CLK2: variants seen among roughly 807,000 people sequenced by gnomAD.
The protein encoded by CLK2 is dual specificity protein kinase CLK2.
Under a neutral mutation model 73.5 loss-of-function variants are expected in CLK2, and 12 were observed. The ratio of observed to expected loss-of-function variants is 0.16; its 90% CI spans 0.10 to 0.26. The LOEUF (loss-of-function observed/expected upper bound fraction) is 0.26, where lower values mean the gene tolerates loss of function less well. CLK2 is among the 10% of genes least tolerant of loss of function. CLK2 has a pLI of 1.00. For missense variants in CLK2, 509 were observed against 688.4 expected, an observed-to-expected ratio of 0.74 and a Z score of 2.92; for synonymous variants, 232 against 237.9, an observed-to-expected ratio of 0.98 and a Z score of 0.23.
Position 155,264,298 on chromosome 1 carries a change from G to A in CLK2, c.1149C>T (p.Thr383=), listed in dbSNP as rs1187512282. The change falls in exon 11 of 13, where the codon ACC becomes ACT. Residue 383 remains threonine, a splice_region_variant and synonymous_variant. Coordinates refer to ENST00000368361, the MANE Select transcript of CLK2 (RefSeq NM_001294338.2). ...TGGCTAGATGCTCTCTGTTGTCATG[G>A]GTCTGGGAAACAAAAACAGAACTGA... ...EYYVGFTLFQ[T]HDNREHLAMM... is the part of the protein sequence containing the mutation. The A allele has an allele frequency of 6.2e-7, 1 of 1,614,018 alleles. No homozygotes were observed. Among genetic ancestry groups the A allele is most frequent in the African/African-American group, 1.3e-5 (1 of 74,910 alleles).
At position 155,273,445 on chromosome 1, in the gene CLK2, CG is replaced by C. The variant is rs1673609963; in HGVS notation, c.-246del. 1 of 152,984 alleles carries C rather than the reference CG, an allele frequency of 6.5e-6. No individual in the cohort carries two copies. Among genetic ancestry groups the C allele is most frequent in the Non-Finnish European group, 1.5e-5 (1 of 68,518 alleles). 9.5% of individuals were successfully genotyped at this position (152,984 alleles called of 1,614,324 possible). A position where few individuals can be genotyped will look rare whatever the true frequency, so the allele number is the denominator to read the frequency against. On this transcript the variant is annotated 5_prime_UTR_variant, in exon 1 of 13. Transcript: ENST00000368361. ...CCCCGCCCGGGGCCCGATCCCAGCTCGGTCTCCGGCTCTGGCCTCTCCGCTC... is the reference window on the plus strand; with the variant it reads ...CCCCGCCCGGGGCCCGATCCCAGCTCGTCTCCGGCTCTGGCCTCTCCGCTC...
In CLK2 at chr1:155,266,801, C is replaced by T. The variant is rs1673253614; in HGVS notation, c.766G>A (p.Asp256Asn). ...ATGGGGTAGGGCAGGTAGTTGTTGT[C>T]TTTGAGGAAATCGAAGGTGCTAAGG... ...LGLSTFDFLK[D>N]NNYLPYPIHQ... The change falls in exon 7 of 13, where the codon GAC becomes AAC. Residue 256 changes from aspartate to asparagine, a missense_variant. Physicochemically the swap from Asp to Asn is conservative, Grantham distance 23. This residue lies in a region of CLK2 where 27 missense variants were observed against 30.5 expected (regional missense o/e 0.89). Transcript: ENST00000368361. The T allele has an allele frequency of 1.2e-6, 2 of 1,613,382 alleles. No homozygotes were observed. Among genetic ancestry groups the T allele is most frequent in the Non-Finnish European group, 8.5e-7 (1 of 1,179,742 alleles).
chr1:155,263,869 A>C (rs1673103541), intron 12 of CLK2, 81 bp downstream of exon 12: 1 of 1,432,092 alleles, frequency 7.0e-7, no homozygotes, highest in South Asian at 1.2e-5. Context: ...CTGCTTGTGA[A>C]GAGCATTCCA....
chr1:155,267,170 C>T (rs1041592639), intron 6 of CLK2, among the ~76,000 whole-genome samples: 1 of 152,210 alleles, frequency 6.6e-6, no homozygotes, highest in Non-Finnish European at 1.5e-5. Flanking sequence ...TCTTGGCTCA[C>T]TGCAACCTCT....
intron 2 of CLK2, 57 bp from the exon 3 acceptor site, chr1:155,269,773 A>G: frequency 6.7e-7 from 1 of 1,489,998 alleles, no homozygotes; most frequent in South Asian, 1.1e-5. Flanking sequence ...TCCCTACCAT[A>G]CCCTGTGACA....
chr1:155,266,599 T>C (rs1673243859), intron 7 of CLK2, 130 bp downstream of exon 7: 1 of 971,984 alleles, frequency 1.0e-6, no homozygotes, highest in Non-Finnish European at 1.5e-6. Flanking sequence ...CGTTTCAAGA[T>C]GACAGTAAAT....
At position 155,263,206 on chromosome 1, in the gene CLK2, A is replaced by T; in HGVS notation, c.*12T>A. ...TGCTATAAAAGATGCAGGGGGGCCCAGGGCCTGATCGTCACCGACTGATAT... is the reference window on the plus strand; with the variant it reads ...TGCTATAAAAGATGCAGGGGGGCCCTGGGCCTGATCGTCACCGACTGATAT... On this transcript the variant is annotated 3_prime_UTR_variant, in exon 13 of 13. Coordinates refer to ENST00000368361, the MANE Select transcript of CLK2 (RefSeq NM_001294338.2). 1 of 1,609,212 alleles carries T rather than the reference A, an allele frequency of 6.2e-7. No homozygotes were observed. The highest frequency in any genetic ancestry group is 1.1e-5 in the South Asian group (1 of 90,626).
chr1:155,267,255 GC>G (rs1012737061), intron 6 of CLK2, among the ~76,000 whole-genome samples: 1 of 151,978 alleles, frequency 6.6e-6, no homozygotes, highest in Non-Finnish European at 1.5e-5. Flanking sequence ...ACCATGCCCG[GC>G]TAATTTTTTT....
intron 3 of CLK2, 62 bp downstream of exon 3, chr1:155,269,426 T>A: frequency 7.0e-7 from 1 of 1,427,404 alleles, no homozygotes; most frequent in South Asian, 1.1e-5. Flanking sequence ...ACTGCTCACT[T>A]ACCAGAGTCC....
At position 155,268,811 on chromosome 1, in the gene CLK2, G is replaced by C; in HGVS notation, c.400-16C>G. 1 of 1,603,728 alleles carries C rather than the reference G, an allele frequency of 6.2e-7. No homozygotes were observed. The highest frequency in any genetic ancestry group is 2.2e-5 in the East Asian group (1 of 44,828). The stretch of plus-strand genomic sequence containing the variant: ...TGCTGTGCTGCTGTCGGGGGGCAGG[G>C]GGGGTCGGAGCAAGCCAGGTGTCGG... On this transcript the variant is annotated splice_polypyrimidine_tract_variant and intron_variant, in intron 3 of 12. Transcript: ENST00000368361. The surrounding 1 kb of genome is among the most constrained non-coding windows in gnomAD (Gnocchi z 5.6).
In CLK2 at chr1:155,268,847, G is replaced by A. The variant is rs111779750; in HGVS notation, c.400-52C>T. ...CAAGCCAGGTGTCGGAGCGGGGGCC[G>A]GAGGGAGGCGGGGTGGGTGGTAGAG... On this transcript the variant is annotated intron_variant, in intron 3 of 12. Transcript: ENST00000368361. The surrounding 1 kb of genome is among the most constrained non-coding windows in gnomAD (Gnocchi z 5.6). The A allele has an allele frequency of 7.7e-6, 9 of 1,176,286 alleles. No homozygotes were observed. The highest frequency in any genetic ancestry group is 3.0e-5 in the African/African-American group (2 of 66,424). 72.9% of individuals were successfully genotyped at this position (1,176,286 alleles called of 1,614,324 possible).
intron 3 of CLK2, chr1:155,269,115 C>T: frequency 1.7e-6 from 1 of 576,658 alleles, no homozygotes; most frequent in African/African-American, 1.9e-5. Context: ...ACACAGATCT[C>T]CCCTTGCCCC....
At position 155,266,030 on chromosome 1, in the gene CLK2, T is replaced by TA. The variant is rs1673215744; in HGVS notation, c.839-77_839-76insT. On this transcript the variant is annotated intron_variant, in intron 7 of 12. Coordinates refer to ENST00000368361, the MANE Select transcript of CLK2 (RefSeq NM_001294338.2). ...TGGTATCAGCTGACCCCAGGCCTGG[T>TA]TACCTAGGGCAAAGCCAGTGAGGAG... is the stretch of plus-strand genomic sequence containing the variant. The TA allele has an allele frequency of 4.1e-6, 4 of 970,110 alleles. No homozygotes were observed. The Admixed American group carries it at 6.8e-5, about 16-fold the overall frequency. 60.1% of individuals were successfully genotyped at this position (970,110 alleles called of 1,614,324 possible).
intron 6 of CLK2, among the ~76,000 whole-genome samples, chr1:155,267,097 T>C (rs376561950): frequency 1.3e-5 from 2 of 152,092 alleles, no homozygotes; most frequent in Admixed American, 6.5e-5. Flanking sequence ...GCCAGGTTTT[T>C]TTCTTTTTTG....
At chr1:155,273,130 C>T (rs1453783695) in intron 1 of CLK2, 71 bp downstream of exon 1, 1 of 152,134 alleles carries the variant, frequency 6.6e-6, no homozygotes, top group African/African-American at 2.4e-5. Flanking sequence ...CCCTTGCCCC[C>T]AACCCAAGCC....
chr1:155,272,401 C>T (rs1205027567), intron 1 of CLK2, among the ~76,000 whole-genome samples: 1 of 152,134 alleles, frequency 6.6e-6, no homozygotes, highest in East Asian at 1.9e-4. Flanking sequence ...GGATGGTTCA[C>T]AAATCCTTTT....
intron 2 of CLK2, among the ~76,000 whole-genome samples, chr1:155,270,228 A>C (rs1572021146): frequency 1.3e-5 from 2 of 150,974 alleles, no homozygotes; most frequent in Non-Finnish European, 2.9e-5. Flanking sequence ...AAAATTAGCC[A>C]GGCATGATGG....
Position 155,268,144 on chromosome 1 carries a change from A to G in CLK2, c.555-18T>C, listed in dbSNP as rs776110850. On this transcript the variant is annotated intron_variant, in intron 5 of 12. Transcript: ENST00000368361. This position sits in a 1 kb window ranked among gnomAD's most constrained non-coding sequence, Gnocchi z 5.6. ...CCCCACCCCTGTAAGTTGGCAGGAG[A>G]GGCTTTTGCTGGGTTCTCAAGAATG... is the stretch of plus-strand genomic sequence containing the variant. 1.9e-6 allele frequency: 3 copies of G among 1,606,268 alleles called. No homozygotes were observed. The highest frequency in any genetic ancestry group is 2.2e-5 in the South Asian group (2 of 90,904).
chr1:155,269,855 G>C (rs1170771417), intron 2 of CLK2, 139 bp from the exon 3 acceptor site: 2 of 733,874 alleles, frequency 2.7e-6, no homozygotes, highest in South Asian at 3.4e-5. Flanking sequence ...GTCACTGAGA[G>C]GACCAAGGGA....
Sources: gnomAD v4.1 joint callset for allele counts (sites outside exome capture counted in the v4.1 genomes callset) on GRCh38, gnomAD v4.1.1 for gene constraint, gnomAD v4.1.1 regional missense constraint, Gnocchi (gnomAD v3.1) non-coding constraint, MANE v1.5 for transcripts, NCBI Gene and HGNC (gene_info 2026-07-23, HGNC 2026-07-21) for gene names.